UNC13C: variants seen among roughly 807,000 people sequenced by gnomAD.
UNC13C encodes protein unc-13 homolog C.
A neutral mutation model predicts 245.4 loss-of-function variants in UNC13C; 174 were observed. The observed-to-expected ratio is 0.71, with a 90% CI of 0.63 to 0.80. The LOEUF is 0.80. UNC13C is among the 30% of genes least tolerant of loss of function. The pLI is 0.00. For synonymous variants in UNC13C, 992 were observed against 895.1 expected (o/e 1.11, Z -1.93); for missense variants, 2,829 against 2,602.9 (o/e 1.09, Z -1.89).
chr15:53,867,497 C>A, the UNC13C span, among the ~76,000 whole-genome samples: 1 of 152,194 alleles, frequency 6.6e-6, no homozygotes, highest in Non-Finnish European at 1.5e-5. Context: ...ACAACTTCTG[C>A]AGTTCTTTAC....
At chr15:54,241,347 T>G (rs2035846393) in intron 7 of UNC13C, among the ~76,000 whole-genome samples, 1 of 152,114 alleles carries the variant, frequency 6.6e-6, no homozygotes, top group Admixed American at 6.5e-5. Flanking sequence ...GGAGCCCTAT[T>G]TCTAGTATGA....
At chr15:54,381,354 T>A (rs1212233006) in intron 17 of UNC13C, among the ~76,000 whole-genome samples, 3 of 152,160 alleles carry the variant, frequency 2.0e-5, no homozygotes, top group African/African-American at 7.2e-5. Context: ...TACTATGGCT[T>A]TGTAGTATAT....
chr15:54,014,140 A>T lies in UNC13C; in HGVS notation c.1237A>T (p.Ile413Phe). 1 of 1,613,786 alleles carries T rather than the reference A, an allele frequency of 6.2e-7. No homozygotes were observed. The highest frequency in any genetic ancestry group is 8.5e-7 in the Non-Finnish European group (1 of 1,179,818). Residue 413 changes from isoleucine to phenylalanine, a missense_variant, in exon 2 of 33, where the codon ATC becomes TTC. Transcript: ENST00000260323. ...GISTDILTHD[I>F]RERKEKGIPS... ...CTCAACAGATATTCTAACTCATGACATCAGAGAAAGAAAAGAGAAAGGGAT... is the reference window on the plus strand; with the variant it reads ...CTCAACAGATATTCTAACTCATGACTTCAGAGAAAGAAAAGAGAAAGGGAT...
chr15:53,897,907 C>T, the UNC13C span, among the ~76,000 whole-genome samples: 8 of 152,242 alleles, frequency 5.3e-5, no homozygotes, highest in Non-Finnish European at 1.2e-4. Context: ...ACTAAAAATC[C>T]TGGGGGATTA....
intron 18 of UNC13C, among the ~76,000 whole-genome samples, chr15:54,404,756 G>A (rs755888414): frequency 1.3e-5 from 2 of 152,106 alleles, no homozygotes; most frequent in Non-Finnish European, 2.9e-5. Flanking sequence ...TTGTGGAAAG[G>A]TAAACCTCTT....
At chr15:53,922,727 A>G in the UNC13C span, among the ~76,000 whole-genome samples, 1 of 152,196 alleles carries the variant, frequency 6.6e-6, no homozygotes, top group African/African-American at 2.4e-5. Flanking sequence ...AGAGCATGCA[A>G]TATTGAAGAA....
At chr15:53,970,164 G>A in the UNC13C span, among the ~76,000 whole-genome samples, 4,278 of 151,754 alleles carry the variant, frequency 0.028, 203 homozygotes, top group African/African-American at 0.098. Flanking sequence ...TTGCCTCCCC[G>A]GTTCAAGCAA....
chr15:54,405,507 G>A (rs981976586), intron 18 of UNC13C, among the ~76,000 whole-genome samples: 1 of 151,880 alleles, frequency 6.6e-6, no homozygotes, highest in African/African-American at 2.4e-5. Context: ...TTTGATACTG[G>A]GACTACAGCA....
intron 2 of UNC13C, chr15:54,050,540 A>G (rs978758911): frequency 2.3e-5 from 11 of 469,674 alleles, no homozygotes; most frequent in East Asian, 5.6e-5. Context: ...TCATCATTCT[A>G]TCTTCCTGCA....
At chr15:54,496,055 A>G (rs1351379599) in intron 20 of UNC13C, among the ~76,000 whole-genome samples, 2 of 152,024 alleles carry the variant, frequency 1.3e-5, no homozygotes, top group Admixed American at 1.3e-4. Flanking sequence ...TTGCTAAGAG[A>G]ACATATTTTA....
chr15:54,082,253 T>C (rs1350472236), intron 2 of UNC13C, among the ~76,000 whole-genome samples: 12 of 152,216 alleles, frequency 7.9e-5, no homozygotes, highest in Non-Finnish European at 1.5e-5. Flanking sequence ...ATCTTGGTGA[T>C]GGTCATCTTG....
At chr15:53,868,666 T>C in the UNC13C span, among the ~76,000 whole-genome samples, 1 of 152,230 alleles carries the variant, frequency 6.6e-6, no homozygotes, top group Non-Finnish European at 1.5e-5. Context: ...TTGCTCTTGG[T>C]CAATCCTTAA....
intron 2 of UNC13C, among the ~76,000 whole-genome samples, chr15:54,068,122 T>C (rs1898153883): frequency 6.6e-6 from 1 of 152,154 alleles, no homozygotes; most frequent in Admixed American, 6.6e-5. Context: ...GGAGCTCCTG[T>C]AGTCAGTGTT....
At chr15:54,452,156 A>G (rs1180129539) in intron 19 of UNC13C, among the ~76,000 whole-genome samples, 1 of 152,092 alleles carries the variant, frequency 6.6e-6, no homozygotes, top group African/African-American at 2.4e-5. Flanking sequence ...CAGTGTGAGC[A>G]GTGATGGAGC....
chr15:53,864,971 C>T, the UNC13C span, among the ~76,000 whole-genome samples: 1 of 152,132 alleles, frequency 6.6e-6, no homozygotes, highest in Non-Finnish European at 1.5e-5. Context: ...GTCCCGAATT[C>T]TTAGCCTTGG....
At chr15:53,934,309 A>G in the UNC13C span, among the ~76,000 whole-genome samples, 1 of 152,004 alleles carries the variant, frequency 6.6e-6, no homozygotes, top group East Asian at 1.9e-4. Flanking sequence ...TATATCAAAC[A>G]CTCACACCTC....
chr15:54,015,245 G>C lies in UNC13C; in HGVS notation c.2342G>C (p.Ser781Thr). Reference protein sequence around the residue: ...SEDAPPKSWHSRLSIDLSDKT... With the variant: ...SEDAPPKSWHTRLSIDLSDKT... ...GATGCCCCACCCAAATCATGGCATA[G>C]TCGATTAAGCATTGACCTTTCTGAT... The change falls in exon 2 of 33, where the codon AGT becomes ACT. Residue 781 changes from serine (S) to threonine (T), a missense_variant. By Grantham distance (58) the Ser-to-Thr change is moderately conservative. Transcript: ENST00000260323. 6.2e-7 allele frequency: 1 copy of C among 1,613,478 alleles called. No homozygotes were observed. Among genetic ancestry groups the C allele is most frequent in the Non-Finnish European group, 8.5e-7 (1 of 1,179,744 alleles).
chr15:54,463,448 C>T (rs989738076), intron 19 of UNC13C, among the ~76,000 whole-genome samples: 1 of 151,692 alleles, frequency 6.6e-6, no homozygotes, highest in Non-Finnish European at 1.5e-5. Context: ...ACACTCACCG[C>T]GAAGCTCTGC....
At chr15:54,550,793 A>G (rs1441338390) in intron 28 of UNC13C, among the ~76,000 whole-genome samples, 5 of 152,164 alleles carry the variant, frequency 3.3e-5, no homozygotes, top group Admixed American at 6.6e-5. Context: ...CCCTTTCTGT[A>G]TCCCTTTTAT....
Sources: allele counts gnomAD v4.1 joint callset (sites outside exome capture counted in the v4.1 genomes callset), GRCh38; gene constraint gnomAD v4.1.1; transcripts MANE v1.5; gene names NCBI Gene and HGNC (gene_info 2026-07-23, HGNC 2026-07-21).